The following UQCRC2 variants were observed in gnomAD, a reference collection of about 807,000 sequenced individuals.
The protein encoded by UQCRC2 is ubiquinol-cytochrome c reductase core protein 2.
In UQCRC2, 49 loss-of-function variants were observed where a neutral mutation model predicts 55.6. The observed-to-expected ratio is 0.88, with a 90% CI of 0.70 to 1.12. The LOEUF is 1.12. Among genes scored for constraint, UQCRC2 ranks in the 50% most tolerant of loss-of-function variants. The pLI is 0.00. For missense variants in UQCRC2, 506 were observed against 547.8 expected (o/e 0.92, Z 0.76); for synonymous variants, 193 against 192.0 (o/e 1.01, Z -0.04).
intron 10 of UQCRC2, among the ~76,000 whole-genome samples, chr16:21,973,268 A>G (rs887276227): frequency 7.2e-5 from 11 of 152,206 alleles, no homozygotes; most frequent in Non-Finnish European, 1.2e-4. Context: ...CAGTAGGTCC[A>G]TTTTGGGAAT....
chr16:21,979,438 C>A (rs1213978908), intron 12 of UQCRC2, among the ~76,000 whole-genome samples: 2 of 152,136 alleles, frequency 1.3e-5, no homozygotes, highest in Admixed American at 1.3e-4. Flanking sequence ...TCAGACAAAT[C>A]TAGATGGTAT....
chr16:21,979,679 G>T (rs1442321330), intron 12 of UQCRC2, among the ~76,000 whole-genome samples: 1 of 152,198 alleles, frequency 6.6e-6, no homozygotes, highest in Non-Finnish European at 1.5e-5. Context: ...AGTGAGTGGT[G>T]AGTAAATGGG....
intron 12 of UQCRC2, among the ~76,000 whole-genome samples, chr16:21,979,970 G>A (rs2141948680): frequency 6.6e-6 from 1 of 152,262 alleles, no homozygotes; most frequent in African/African-American, 2.4e-5. Context: ...CTTACAAAAT[G>A]GGCTTATGTT....
intron 13 of UQCRC2, among the ~76,000 whole-genome samples, chr16:21,982,380 A>C (rs1298907268): frequency 1.3e-5 from 2 of 152,216 alleles, no homozygotes; most frequent in South Asian, 2.1e-4. Flanking sequence ...TTAAGTTAAC[A>C]ATCAATGTAT....
chr16:21,962,719 TACA>T (rs1416228652), intron 5 of UQCRC2, 39 bp from the exon 6 acceptor site: 1 of 1,612,634 alleles, frequency 6.2e-7, no homozygotes, highest in Non-Finnish European at 8.5e-7. Context: ...ATGTTGGCTT[TACA>T]TTTTTGACTC....
At chr16:21,970,648 C>T (rs1166744910) in intron 8 of UQCRC2, among the ~76,000 whole-genome samples, 1 of 152,082 alleles carries the variant, frequency 6.6e-6, no homozygotes, top group Non-Finnish European at 1.5e-5. Flanking sequence ...TGCAGTGGCG[C>T]AATCTCAGCT....
chr16:21,954,182 G>A (rs1427476861), intron 1 of UQCRC2, among the ~76,000 whole-genome samples: 1 of 152,162 alleles, frequency 6.6e-6, no homozygotes, highest in Non-Finnish European at 1.5e-5. Flanking sequence ...ATGCCCCCAG[G>A]GAACCGGTGG....
intron 13 of UQCRC2, among the ~76,000 whole-genome samples, chr16:21,981,059 G>A (rs1898713871): frequency 6.6e-6 from 1 of 152,164 alleles, no homozygotes; most frequent in Non-Finnish European, 1.5e-5. Context: ...ATGACTAGAA[G>A]TAAAGAAGAG....
intron 8 of UQCRC2, among the ~76,000 whole-genome samples, chr16:21,971,001 T>TC (rs1434991075): frequency 2.4e-4 from 37 of 152,196 alleles, no homozygotes; most frequent in African/African-American, 8.9e-4. Flanking sequence ...GCAGATATAT[T>TC]ATCTGCAAAT....
At chr16:21,979,660 G>A (rs775928535) in intron 12 of UQCRC2, among the ~76,000 whole-genome samples, 29 of 152,212 alleles carry the variant, frequency 1.9e-4, no homozygotes, top group South Asian at 1.0e-3. Flanking sequence ...GCTTTCGAGT[G>A]AGTCAGTGAG....
At chr16:21,962,411 C>T (rs1440508034) in intron 4 of UQCRC2, 49 bp from the exon 5 acceptor site, 1 of 1,604,460 alleles carries the variant, frequency 6.2e-7, no homozygotes, top group African/African-American at 1.3e-5. Context: ...TAAGGGAAAG[C>T]TTACTATCCT....
chr16:21,974,919 C>T (rs966900601), intron 11 of UQCRC2, among the ~76,000 whole-genome samples: 2 of 151,950 alleles, frequency 1.3e-5, no homozygotes, highest in African/African-American at 2.4e-5. Flanking sequence ...TTTTGACAGA[C>T]GTGAGAGGAA....
At chr16:21,976,079 G>A in intron 11 of UQCRC2, 88 bp from the exon 12 acceptor site, 3 of 821,894 alleles carry the variant, frequency 3.7e-6, no homozygotes, top group Non-Finnish European at 4.1e-6. Context: ...CCTTCCATCT[G>A]TGTTTTTGCC....
chr16:21,957,458 A>G lies in UQCRC2; in HGVS notation c.159A>G (p.Glu53=), dbSNP rs767983055. The stretch of plus-strand genomic sequence containing the variant: ...ATGGCTTGGTGATTGCTTCTTTGGA[A>G]AACTATTCTCCTGTATCAAGAATTG... ...LPNGLVIASL[E]NYSPVSRIGL... Residue 53 remains glutamate, a synonymous_variant, in exon 3 of 14, where the codon GAA becomes GAG. Transcript: ENST00000268379. 2 of 1,614,128 alleles carry G rather than the reference A, an allele frequency of 1.2e-6. No homozygotes were observed. Among genetic ancestry groups the G allele is most frequent in the Non-Finnish European group, 1.7e-6 (2 of 1,180,018 alleles).
At chr16:21,966,229 C>T (rs905355581) in intron 7 of UQCRC2, among the ~76,000 whole-genome samples, 5 of 152,010 alleles carry the variant, frequency 3.3e-5, no homozygotes, top group African/African-American at 1.2e-4. Context: ...TTTGGTCTCT[C>T]TGAATTTGTA....
intron 10 of UQCRC2, among the ~76,000 whole-genome samples, chr16:21,973,111 T>G (rs970512759): frequency 6.6e-6 from 1 of 151,928 alleles, no homozygotes; most frequent in Non-Finnish European, 1.5e-5. Context: ...AAAATATATA[T>G]AAATAAATAA....
Position 21,954,900 on chromosome 16 carries a change from AAAAT to A in UQCRC2, c.33+1446_33+1449del, listed in dbSNP as rs968571327. Among the ~76,000 whole-genome samples the A allele has an allele frequency of 1.3e-4, 20 of 151,588 alleles. 1 individual carries two copies. In the East Asian group the frequency reaches 3.9e-3, roughly 29 times the overall value. On this transcript the variant is annotated intron_variant, in intron 1 of 13. Transcript: ENST00000268379. ...CTCTACTAAAAATACAAAAAAAAAA[AAAAT>A]AGCCGGGCGTGGTGGTGGTGGGCGC...
chr16:21,973,782 T>G, intron 10 of UQCRC2, 114 bp from the exon 11 acceptor site: 1 of 835,510 alleles, frequency 1.2e-6, no homozygotes, highest in Non-Finnish European at 1.9e-6. Context: ...AGTAAAATAT[T>G]AATCTATTTT....
intron 12 of UQCRC2, among the ~76,000 whole-genome samples, chr16:21,979,782 A>G (rs1256614713): frequency 1.3e-5 from 2 of 152,136 alleles, no homozygotes; most frequent in Non-Finnish European, 2.9e-5. Flanking sequence ...GCACTACAAC[A>G]TTATGTTGTC....
Sources: gnomAD v4.1 joint callset for allele counts (sites outside exome capture counted in the v4.1 genomes callset) on GRCh38, gnomAD v4.1.1 for gene constraint, MANE v1.5 for transcripts, NCBI Gene and HGNC (gene_info 2026-07-23, HGNC 2026-07-21) for gene names.